Variants in TMEFF1 observed in about 807,000 individuals in gnomAD.
The protein encoded by TMEFF1 is transmembrane protein with EGF like and two follistatin like domains 1, also known as tomoregulin-1.
A neutral mutation model predicts 47.5 loss-of-function variants in TMEFF1; 20 were observed. That is an observed-to-expected ratio of 0.42 (90% CI 0.30 to 0.61). The LOEUF (loss-of-function observed/expected upper bound fraction) is 0.61, where lower values mean the gene tolerates loss of function less well. TMEFF1 is among the 20% of genes least tolerant of loss of function. The pLI, the probability that TMEFF1 is intolerant of heterozygous loss-of-function variation, is 0.19. For missense variants in TMEFF1, 411 were observed against 471.1 expected, an observed-to-expected ratio of 0.87 and a Z score of 1.18; for synonymous variants, 162 against 166.3, an observed-to-expected ratio of 0.97 and a Z score of 0.20.
intron 1 of TMEFF1, among the ~76,000 whole-genome samples, chr9:100,486,514 T>A (rs576561233): frequency 6.6e-6 from 1 of 152,242 alleles, no homozygotes; most frequent in Non-Finnish European, 1.5e-5. Flanking sequence ...CGTGTTGGGA[T>A]TACAGGCGTG....
intron 5 of TMEFF1, among the ~76,000 whole-genome samples, chr9:100,544,929 G>A (rs957780987): frequency 3.3e-5 from 5 of 152,210 alleles, no homozygotes; most frequent in Non-Finnish European, 7.3e-5. Context: ...TCTTGTATCT[G>A]GGTCATGCCG....
chr9:100,474,233 C>G (rs1343711578), intron 1 of TMEFF1, among the ~76,000 whole-genome samples: 1 of 146,190 alleles, frequency 6.8e-6, no homozygotes. Context: ...GAGATTCTTC[C>G]TTAAGGCACT....
intron 8 of TMEFF1, among the ~76,000 whole-genome samples, chr9:100,569,487 G>C (rs202153043): frequency 1.3e-5 from 2 of 150,012 alleles, no homozygotes; most frequent in African/African-American, 4.9e-5. Flanking sequence ...TTTGTGGCTT[G>C]TCTTTTCACT....
chr9:100,514,951 C>T (rs982231869), intron 4 of TMEFF1, among the ~76,000 whole-genome samples: 3 of 151,784 alleles, frequency 2.0e-5, no homozygotes, highest in East Asian at 1.9e-4. Context: ...GCTGAGATTG[C>T]GCCACTGCAC....
At chr9:100,520,053 A>G (rs538104196) in intron 5 of TMEFF1, among the ~76,000 whole-genome samples, 5 of 152,294 alleles carry the variant, frequency 3.3e-5, no homozygotes, top group Non-Finnish European at 7.4e-5. Flanking sequence ...TTCATAATCC[A>G]CTAGTGATTA....
chr9:100,537,999 T>C (rs1236259066), intron 5 of TMEFF1, among the ~76,000 whole-genome samples: 1 of 152,172 alleles, frequency 6.6e-6, no homozygotes, highest in Non-Finnish European at 1.5e-5. Flanking sequence ...ATATACACAT[T>C]TGATTGAATG....
At chr9:100,542,224 C>T (rs995943229) in intron 5 of TMEFF1, among the ~76,000 whole-genome samples, 1 of 151,940 alleles carries the variant, frequency 6.6e-6, no homozygotes. Context: ...TCTAAATTTC[C>T]TTAATGTCAC....
chr9:100,534,194 C>A (rs1313165055), intron 5 of TMEFF1, among the ~76,000 whole-genome samples: 1 of 152,124 alleles, frequency 6.6e-6, no homozygotes, highest in Non-Finnish European at 1.5e-5. Flanking sequence ...TTATGATAAA[C>A]ATGAAAAATG....
chr9:100,559,683 T>C (rs754611339), intron 7 of TMEFF1, among the ~76,000 whole-genome samples: 2 of 152,172 alleles, frequency 1.3e-5, no homozygotes, highest in African/African-American at 4.8e-5. Flanking sequence ...ATATGTGTCT[T>C]GTACTATACC....
intron 4 of TMEFF1, among the ~76,000 whole-genome samples, chr9:100,516,191 T>C (rs531134788): frequency 6.6e-6 from 1 of 152,270 alleles, no homozygotes; most frequent in East Asian, 1.9e-4. Context: ...TTTTAAACTC[T>C]GAAATTAGTT....
At chr9:100,522,222 G>A (rs995374390) in intron 5 of TMEFF1, among the ~76,000 whole-genome samples, 2 of 152,052 alleles carry the variant, frequency 1.3e-5, no homozygotes, top group African/African-American at 2.4e-5. Flanking sequence ...ATCAGAGATG[G>A]CAGTAATTTT....
At chr9:100,527,156 A>C (rs967266095) in intron 5 of TMEFF1, among the ~76,000 whole-genome samples, 31 of 151,714 alleles carry the variant, frequency 2.0e-4, no homozygotes, top group Non-Finnish European at 4.4e-4. Context: ...AAAAAAAAAC[A>C]AAACTACCTA....
intron 2 of TMEFF1, among the ~76,000 whole-genome samples, chr9:100,505,678 G>A (rs558189075): frequency 1.3e-5 from 2 of 152,226 alleles, no homozygotes; most frequent in South Asian, 4.1e-4. Flanking sequence ...AGGCATCCTT[G>A]GAATCTATCT....
intron 5 of TMEFF1, among the ~76,000 whole-genome samples, chr9:100,530,254 T>A (rs1447933573): frequency 6.6e-6 from 1 of 151,068 alleles, no homozygotes; most frequent in African/African-American, 2.4e-5. Context: ...AGAGCAGAAC[T>A]GAAGGACACA....
intron 5 of TMEFF1, among the ~76,000 whole-genome samples, chr9:100,541,904 TCTC>T (rs1252719737): frequency 6.6e-6 from 1 of 152,146 alleles, no homozygotes; most frequent in African/African-American, 2.4e-5. Flanking sequence ...TCTCTTTCAC[TCTC>T]CTATTATTTT....
rs1401951670 is a variant in TMEFF1 at position 100,572,522 on chromosome 9, G to C, written c.904G>C (p.Glu302Gln). 8 of 1,578,526 alleles carry C rather than the reference G, an allele frequency of 5.1e-6. No homozygotes were observed. Among genetic ancestry groups the C allele is most frequent in the Non-Finnish European group, 6.9e-6 (8 of 1,165,430 alleles). Residue 302 changes from glutamate (E) to glutamine (Q), a missense_variant, in exon 9 of 10, where the codon GAA becomes CAA. By Grantham distance (29) the Glu-to-Gln change is conservative. Transcript: ENST00000374879. Reference sequence around the variant, plus strand: ...ATATATATTTTTCCTTTTCAGATGTGAATCTGGCTACACTGGACAGCACTG... The same window carrying C: ...ATATATATTTTTCCTTTTCAGATGTCAATCTGGCTACACTGGACAGCACTG... ...YSTQKASCRCESGYTGQHCEK... is the reference protein window; with the variant it reads ...YSTQKASCRCQSGYTGQHCEK...
chr9:100,531,526 AC>A (rs1376483806), intron 5 of TMEFF1, among the ~76,000 whole-genome samples: 2 of 152,280 alleles, frequency 1.3e-5, no homozygotes, highest in South Asian at 2.1e-4. Flanking sequence ...AATCCAACTT[AC>A]AAGGGATGTG....
At chr9:100,571,113 T>C (rs1408283583) in intron 8 of TMEFF1, among the ~76,000 whole-genome samples, 2 of 152,192 alleles carry the variant, frequency 1.3e-5, no homozygotes, top group African/African-American at 4.8e-5. Context: ...ATTAATAACT[T>C]ATTTTCATCT....
At position 100,513,344 on chromosome 9, in the gene TMEFF1, A is replaced by C; in HGVS notation, c.463+11A>C. On this transcript the variant is annotated intron_variant, in intron 4 of 9. Coordinates refer to ENST00000374879, the MANE Select transcript of TMEFF1 (RefSeq NM_003692.5). ...GATCTGGAGAAGGAGGTAAGTTTCA[A>C]GTACCTCTTAAAGGATATTTGCTTT... 6.3e-7 allele frequency: 1 copy of C among 1,592,104 alleles called. No homozygotes were observed. Among genetic ancestry groups the C allele is most frequent in the Non-Finnish European group, 8.5e-7 (1 of 1,171,918 alleles).
Sources: gnomAD v4.1 joint callset for allele counts (sites outside exome capture counted in the v4.1 genomes callset) on GRCh38, gnomAD v4.1.1 for gene constraint, MANE v1.5 for transcripts, NCBI Gene and HGNC (gene_info 2026-07-23, HGNC 2026-07-21) for gene names.